The following NSUN2 variants were observed in gnomAD, a reference collection of about 807,000 sequenced individuals.
NSUN2 encodes the protein RNA cytosine C(5)-methyltransferase NSUN2.
NSUN2 carries 63 observed loss-of-function variants against 92.7 expected under a neutral mutation model. The observed-to-expected ratio is 0.68, with a 90% CI of 0.56 to 0.84. NSUN2 has a LOEUF of 0.84. Ranked by LOEUF, NSUN2 falls within the 40% of genes least tolerant of loss-of-function variation. The probability of loss-of-function intolerance (pLI) is 0.00; values close to 1 mark genes in which losing one functional copy is unlikely to be tolerated. For missense variants in NSUN2, 989 were observed against 964.9 expected (o/e 1.02, Z -0.33); for synonymous variants, 356 against 348.3 (o/e 1.02, Z -0.25).
chr5:6,607,176 TC>T, intron 13 of NSUN2, 23 bp downstream of exon 13: 1 of 1,611,838 alleles, frequency 6.2e-7, no homozygotes, highest in Non-Finnish European at 8.5e-7. Flanking sequence ...GCGTATTAGA[TC>T]AAGACATAAC....
Position 6,607,205 on chromosome 5 carries a change from C to A in NSUN2, c.1503G>T (p.Val501=), listed in dbSNP as rs1560973431. The change falls in exon 13 of 19, where the codon GTG becomes GTT. Residue 501 remains valine, a synonymous_variant. Coordinates refer to ENST00000264670, the MANE Select transcript of NSUN2 (RefSeq NM_017755.6). Reference sequence around the variant, plus strand: ...GACATAACCACTTTTCTTACCCACACACGCCATCTTTCTTACTGCCATTAT... The same window carrying A: ...GACATAACCACTTTTCTTACCCACAAACGCCATCTTTCTTACTGCCATTAT... ...LENNGSKKDG[V]CGPPPSKKMK... The A allele has an allele frequency of 1.2e-6, 2 of 1,614,052 alleles. No individual in the cohort carries two copies. The highest frequency in any genetic ancestry group is 1.3e-5 in the African/African-American group (1 of 75,058).
At chr5:6,615,047 A>G (rs892705845) in intron 9 of NSUN2, among the ~76,000 whole-genome samples, 4 of 152,072 alleles carry the variant, frequency 2.6e-5, no homozygotes, top group African/African-American at 9.7e-5. Flanking sequence ...ATCTACAAAC[A>G]TTTGAAGCTA....
intron 4 of NSUN2, among the ~76,000 whole-genome samples, chr5:6,624,625 G>T (rs1737578382): frequency 1.3e-5 from 2 of 152,192 alleles, no homozygotes; most frequent in Admixed American, 1.3e-4. Context: ...ATCCTTTCGT[G>T]CACTGGTCTC....
chr5:6,602,486 C>T lies in NSUN2; in HGVS notation c.1972G>A (p.Val658Met), dbSNP rs770178867. ...GCAGAATCTGGTTCATACTTCAGCA[C>T]GATGCTTCCCTTTGCTGGAAAAGAA... ...QAKDLAKGSI[V>M]LKYEPDSANP... The change falls in exon 18 of 19, where the codon GTG (valine) becomes ATG (methionine). Residue 658 changes from valine (V) to methionine (M), a missense_variant. Coordinates refer to ENST00000264670, the MANE Select transcript of NSUN2 (RefSeq NM_017755.6). The T allele has an allele frequency of 1.9e-6, 3 of 1,614,094 alleles. No homozygotes were observed. Among genetic ancestry groups the T allele is most frequent in the Non-Finnish European group, 2.5e-6 (3 of 1,180,046 alleles).
chr5:6,621,783 G>A, intron 6 of NSUN2: 7 of 407,658 alleles, frequency 1.7e-5, no homozygotes, highest in South Asian at 4.3e-5. Context: ...CGTTTTTATA[G>A]AAAACACACA....
chr5:6,610,245 T>TTC (rs1022263059), intron 11 of NSUN2, among the ~76,000 whole-genome samples: 1 of 145,912 alleles, frequency 6.9e-6, no homozygotes, highest in African/African-American at 2.5e-5. Flanking sequence ...TGTATTTTTC[T>TTC]TTTTTTTTTT....
chr5:6,621,903 C>T (rs1024253256), intron 6 of NSUN2, 113 bp downstream of exon 6: 8 of 821,598 alleles, frequency 9.7e-6, no homozygotes, highest in Middle Eastern at 2.3e-4. Flanking sequence ...AACCCAACTG[C>T]TTGTCATAGG....
intron 7 of NSUN2, among the ~76,000 whole-genome samples, 155 bp from the exon 8 acceptor site, chr5:6,618,179 TTTTG>T (rs1288849499): frequency 6.6e-6 from 1 of 152,248 alleles, no homozygotes; most frequent in East Asian, 1.9e-4. Context: ...TGCTTTCAGC[TTTTG>T]TTTTAGGGAT....
In NSUN2 at chr5:6,619,503, T is replaced by C. The variant is rs546339723; in HGVS notation, c.815+603A>G. Among the ~76,000 whole-genome samples the C allele has an allele frequency of 2.6e-5, 4 of 152,350 alleles. No homozygotes were observed. The South Asian group carries it at 8.3e-4, about 32-fold the overall frequency. On this transcript the variant is annotated intron_variant, in intron 7 of 18. Coordinates refer to ENST00000264670, the MANE Select transcript of NSUN2 (RefSeq NM_017755.6). ...GGAACAGATGATGTCTTTAGTTTTGTTTCTTTCCTTTTAAAAAAACTTGTT... is the reference window on the plus strand; with the variant it reads ...GGAACAGATGATGTCTTTAGTTTTGCTTCTTTCCTTTTAAAAAAACTTGTT...
At chr5:6,603,068 A>C (rs1448451959) in intron 17 of NSUN2, among the ~76,000 whole-genome samples, 2 of 152,254 alleles carry the variant, frequency 1.3e-5, no homozygotes, top group Non-Finnish European at 2.9e-5. Flanking sequence ...GCAAGTAAGA[A>C]ACGTAACTGC....
At position 6,622,012 on chromosome 5, in the gene NSUN2, A is replaced by C; in HGVS notation, c.622+4T>G. On this transcript the variant is annotated splice_donor_region_variant and intron_variant, in intron 6 of 18. Coordinates refer to ENST00000264670, the MANE Select transcript of NSUN2 (RefSeq NM_017755.6). ...ACCATTTTGAACACAAGTCCAATGC[A>C]TACCTGGAAAGGGGACATTCATGTC... 6.2e-7 allele frequency: 1 copy of C among 1,612,794 alleles called. No homozygotes were observed. Among genetic ancestry groups the C allele is most frequent in the Non-Finnish European group, 8.5e-7 (1 of 1,178,724 alleles).
intron 2 of NSUN2, 74 bp from the exon 3 acceptor site, chr5:6,632,051 A>C: frequency 8.1e-7 from 1 of 1,229,040 alleles, no homozygotes; most frequent in South Asian, 1.3e-5. Context: ...TAAATTTAAG[A>C]CTGCAAGTGT....
chr5:6,629,578 G>A (rs1737787954), intron 3 of NSUN2, among the ~76,000 whole-genome samples: 1 of 152,198 alleles, frequency 6.6e-6, no homozygotes, highest in African/African-American at 2.4e-5. Context: ...CCAGGTGATT[G>A]TGTGAAGCAG....
rs191979014 is a variant in NSUN2 at position 6,601,252 on chromosome 5, T to G, written c.1998-1020A>C. Among the ~76,000 whole-genome samples, 676 of 152,252 alleles carry G rather than the reference T, an allele frequency of 4.4e-3. 2 individuals are homozygous for G. The highest frequency in any genetic ancestry group is 4.2e-3 in the Non-Finnish European group (285 of 68,022). On this transcript the variant is annotated intron_variant, in intron 18 of 18. Coordinates refer to ENST00000264670, the MANE Select transcript of NSUN2 (RefSeq NM_017755.6). ...AAGTGTTTAAATATGGAAAAGTGAA[T>G]CCACACCTTAAAATATCCCAATATT...
At chr5:6,618,474 G>A (rs993483401) in intron 7 of NSUN2, among the ~76,000 whole-genome samples, 8 of 151,888 alleles carry the variant, frequency 5.3e-5, no homozygotes, top group African/African-American at 9.7e-5. Context: ...TACAATCACA[G>A]GTAAACATTT....
Position 6,604,223 on chromosome 5 carries a change from C to T in NSUN2, c.1872G>A (p.Met624Ile). 1 of 1,606,532 alleles carries T rather than the reference C, an allele frequency of 6.2e-7. No individual in the cohort carries two copies. Among genetic ancestry groups the T allele is most frequent in the Non-Finnish European group, 8.5e-7 (1 of 1,173,256 alleles). Residue 624 changes from methionine to isoleucine, a missense_variant, in exon 17 of 19, where the codon ATG becomes ATA. Physicochemically the swap from Met to Ile is conservative, Grantham distance 10. Around this residue, in one of 3 missense-constraint regions of NSUN2, gnomAD observed 626 missense variants for 602.3 expected, o/e 1.04. Coordinates refer to ENST00000264670, the MANE Select transcript of NSUN2 (RefSeq NM_017755.6). ...GGGTCAACAGTATCTTAACATCTTC[C>T]ATTGATACAGTAATAATTCTTGAGT... The part of the protein sequence containing the change: ...FINSRIITVS[M>I]EDVKILLTQE...
In NSUN2 at chr5:6,616,895, AT is replaced by A. The variant is rs138924109; in HGVS notation, c.891-39del. 331 of 1,595,510 alleles carry A rather than the reference AT, an allele frequency of 2.1e-4. No homozygotes were observed. In the African/African-American group the frequency reaches 4.2e-3, roughly 20 times the overall value. ...ATCAGATGACTGCAAGGCCAAATGTATCCATGAAGTGCACATATTAGAAGCA... is the reference window on the plus strand; with the variant it reads ...ATCAGATGACTGCAAGGCCAAATGTACCATGAAGTGCACATATTAGAAGCA... On this transcript the variant is annotated intron_variant, in intron 8 of 18. Coordinates refer to ENST00000264670, the MANE Select transcript of NSUN2 (RefSeq NM_017755.6).
chr5:6,623,844 A>G (rs1737552235), intron 4 of NSUN2, among the ~76,000 whole-genome samples: 1 of 133,416 alleles, frequency 7.5e-6, no homozygotes, highest in African/African-American at 2.8e-5. Flanking sequence ...ATTCCTCACC[A>G]CACTCCCTGC....
chr5:6,609,490 A>G (rs935364151), intron 12 of NSUN2, among the ~76,000 whole-genome samples: 1 of 152,226 alleles, frequency 6.6e-6, no homozygotes, highest in Non-Finnish European at 1.5e-5. Flanking sequence ...AACCACTCAC[A>G]AGGAACTAGA....
Sources: gnomAD v4.1 joint callset for allele counts (sites outside exome capture counted in the v4.1 genomes callset) on GRCh38, gnomAD v4.1.1 for gene constraint, gnomAD v4.1.1 regional missense constraint, MANE v1.5 for transcripts, NCBI Gene and HGNC (gene_info 2026-07-23, HGNC 2026-07-21) for gene names.